Variants in DIXDC1 observed in about 807,000 individuals in gnomAD.
DIXDC1 encodes dixin.
DIXDC1 carries 64 observed loss-of-function variants against 103.1 expected under a neutral mutation model. That is an observed-to-expected ratio of 0.62 (90% CI 0.51 to 0.76). DIXDC1 has a LOEUF of 0.76. Among genes scored for constraint, DIXDC1 ranks in the 30% least tolerant of loss-of-function variants. The probability of loss-of-function intolerance (pLI) is 0.00; values close to 1 mark genes in which losing one functional copy is unlikely to be tolerated. For synonymous variants in DIXDC1, 266 were observed against 298.5 expected, an observed-to-expected ratio of 0.89 and a Z score of 1.12; for missense variants, 759 against 834.2, an observed-to-expected ratio of 0.91 and a Z score of 1.11.
At chr11:111,933,791 T>C (rs893001109), upstream of DIXDC1, among the ~76,000 whole-genome samples, 5 of 152,310 alleles carry the variant, frequency 3.3e-5, no homozygotes, top group Middle Eastern at 3.4e-3. Context: ...TTTCTGTTTC[T>C]TTATAGTCAT....
At chr11:111,937,129 G>GA (rs1555168207), upstream of DIXDC1, 4 of 708,182 alleles carry the variant, frequency 5.6e-6, no homozygotes, top group African/African-American at 9.9e-5. Context: ...CTGCGGCCCG[G>GA]GCGGGGGGGG....
At chr11:111,972,536 G>A (rs61412469) in intron 3 of DIXDC1, among the ~76,000 whole-genome samples, 1 of 152,110 alleles carries the variant, frequency 6.6e-6, no homozygotes, top group African/African-American at 2.4e-5. Flanking sequence ...CCACTCCTCC[G>A]TATCTGAGGA....
At position 111,958,406 on chromosome 11, in the gene DIXDC1, G is replaced by A. The variant is rs1859461316; in HGVS notation, c.61-6143G>A. On this transcript the variant is annotated intron_variant, in intron 1 of 19. Coordinates refer to ENST00000440460, the MANE Select transcript of DIXDC1 (RefSeq NM_001037954.4). The surrounding 1 kb of genome is among the most constrained non-coding windows in gnomAD (Gnocchi z 4.2). ...GCTGCCTGGCCTCTCCCGACTCCCT[G>A]CACCTGCTCCGATCTTGGAGCAAAG... 6.6e-6 allele frequency among the ~76,000 whole-genome samples: 1 copy of A among 152,228 alleles called. No individual in the cohort carries two copies. Among genetic ancestry groups the A allele is most frequent in the Admixed American group, 6.5e-5 (1 of 15,290 alleles).
At chr11:111,968,713 C>T in intron 3 of DIXDC1, 75 bp downstream of exon 3, 11 of 1,407,636 alleles carry the variant, frequency 7.8e-6, no homozygotes, top group Non-Finnish European at 1.0e-5. Context: ...AAATCCTTGG[C>T]TGTAACCTGG....
rs781847516 is a variant in DIXDC1, at chr11:111,998,773, A to G, written c.1756+2627A>G. 6.6e-6 allele frequency among the ~76,000 whole-genome samples: 1 copy of G among 152,104 alleles called. No homozygotes were observed. The highest frequency in any genetic ancestry group is 1.5e-5 in the Non-Finnish European group (1 of 68,016). ...GGTCTTGAACTCTTGAGCTCAGGCAATCCACCCACCCCGGCCTCCCAAAGT... is the reference window on the plus strand; with the variant it reads ...GGTCTTGAACTCTTGAGCTCAGGCAGTCCACCCACCCCGGCCTCCCAAAGT... On this transcript the variant is annotated intron_variant, in intron 17 of 19. Transcript: ENST00000440460. This position sits in a 1 kb window ranked among gnomAD's most constrained non-coding sequence, Gnocchi z 4.1.
At chr11:111,937,217 G>T (rs1347347060), upstream of DIXDC1, 4 of 1,130,004 alleles carry the variant, frequency 3.5e-6, no homozygotes, top group Admixed American at 1.5e-4. Context: ...GCAGGAAAGC[G>T]GGGCTGGGGG....
At chr11:111,966,213 T>G (rs1374473101) in intron 2 of DIXDC1, among the ~76,000 whole-genome samples, 1 of 128,400 alleles carries the variant, frequency 7.8e-6, no homozygotes, top group Non-Finnish European at 1.6e-5. Flanking sequence ...CGGGGTTTTT[T>G]TTTTTTTTTT....
intron 2 of DIXDC1, among the ~76,000 whole-genome samples, chr11:111,967,791 T>C (rs1419406427): frequency 6.6e-6 from 1 of 152,228 alleles, no homozygotes; most frequent in African/African-American, 2.4e-5. Context: ...TCTCAGACTC[T>C]CCATTGGCTG....
At chr11:111,995,638 T>A (rs1241303937) in intron 16 of DIXDC1, 74 bp downstream of exon 16, 75 of 1,576,202 alleles carry the variant, frequency 4.8e-5, no homozygotes, top group Non-Finnish European at 6.1e-5. Context: ...TTAATTGAGA[T>A]GAAGGCAGTG....
chr11:111,947,618 A>G (rs1242755581), intron 1 of DIXDC1, among the ~76,000 whole-genome samples: 1 of 152,232 alleles, frequency 6.6e-6, no homozygotes, highest in Non-Finnish European at 1.5e-5. Flanking sequence ...AGAGAGACAG[A>G]CAGTTTAGTG....
chr11:111,993,421 A>G, intron 12 of DIXDC1, 75 bp from the exon 13 acceptor site: 2 of 1,526,274 alleles, frequency 1.3e-6, no homozygotes, highest in Non-Finnish European at 1.8e-6. Flanking sequence ...CTTGAGTGGA[A>G]GTTACACTGC....
intron 2 of DIXDC1, among the ~76,000 whole-genome samples, chr11:111,932,118 C>A (rs1369091987): frequency 6.6e-6 from 1 of 150,588 alleles, no homozygotes; most frequent in Non-Finnish European, 1.5e-5. Context: ...GCAACCTCTG[C>A]CTCCCGGGTT....
intron 9 of DIXDC1, 193 bp from the exon 10 acceptor site, chr11:111,988,812 G>A (rs950302867): frequency 4.8e-6 from 2 of 416,202 alleles, no homozygotes; most frequent in Non-Finnish European, 8.6e-6. Flanking sequence ...AGGGAAGAAC[G>A]GAATGGTTCT....
chr11:111,994,672 A>G (rs1264629531), intron 14 of DIXDC1, among the ~76,000 whole-genome samples: 2 of 151,682 alleles, frequency 1.3e-5, no homozygotes, highest in African/African-American at 4.8e-5. Flanking sequence ...ATATATATTC[A>G]CCATTATTTT....
chr11:111,950,438 A>ATTT (rs59473485), intron 1 of DIXDC1, among the ~76,000 whole-genome samples: 2 of 15,164 alleles, frequency 1.3e-4, no homozygotes, highest in African/African-American at 2.3e-4. Flanking sequence ...ATATATATAT[A>ATTT]TTTTTTTTTT....
At chr11:111,931,448 G>A (rs1215012544) in intron 2 of DIXDC1, among the ~76,000 whole-genome samples, 1 of 152,130 alleles carries the variant, frequency 6.6e-6, no homozygotes, top group Non-Finnish European at 1.5e-5. Flanking sequence ...TCTGAGACCA[G>A]CCTGGCCAAC....
At chr11:111,941,435 C>A (rs1435072657) in intron 1 of DIXDC1, among the ~76,000 whole-genome samples, 2 of 152,130 alleles carry the variant, frequency 1.3e-5, no homozygotes, top group Non-Finnish European at 1.5e-5. Context: ...TAAGTTCTGG[C>A]AGACTTTCCC....
chr11:111,954,640 A>G (rs1442673705), intron 1 of DIXDC1, among the ~76,000 whole-genome samples: 2 of 152,212 alleles, frequency 1.3e-5, no homozygotes, highest in Admixed American at 1.3e-4. Context: ...TCCTCTATGG[A>G]TAATGAGGGA....
At chr11:112,001,427 G>T (rs1325905950) in intron 17 of DIXDC1, among the ~76,000 whole-genome samples, 1 of 152,116 alleles carries the variant, frequency 6.6e-6, no homozygotes, top group Non-Finnish European at 1.5e-5. Context: ...CCATTGAATT[G>T]CACACCTTAA....
Sources: gnomAD v4.1 joint callset for allele counts (sites outside exome capture counted in the v4.1 genomes callset) on GRCh38, gnomAD v4.1.1 for gene constraint, Gnocchi (gnomAD v3.1) non-coding constraint, MANE v1.5 for transcripts, NCBI Gene and HGNC (gene_info 2026-07-23, HGNC 2026-07-21) for gene names.